The following MAGI1 variants were observed in gnomAD, a reference collection of about 807,000 sequenced individuals.
The protein encoded by MAGI1 is membrane-associated guanylate kinase, WW and PDZ domain-containing protein 1.
A neutral mutation model predicts 139.9 loss-of-function variants in MAGI1; 58 were observed. The observed-to-expected ratio is 0.41, with a 90% CI of 0.34 to 0.52. The LOEUF is 0.52. MAGI1 is among the 20% of genes least tolerant of loss of function. The pLI, the probability that MAGI1 is intolerant of heterozygous loss-of-function variation, is 0.12. For synonymous variants in MAGI1, 812 were observed against 737.9 expected (o/e 1.10, Z -1.63); for missense variants, 1,874 against 1,901.6 (o/e 0.99, Z 0.27).
chr3:65,516,979 C>A (rs570592080), intron 2 of MAGI1, among the ~76,000 whole-genome samples: 3 of 151,232 alleles, frequency 2.0e-5, no homozygotes, highest in Admixed American at 2.0e-4. Flanking sequence ...CCGCCCGCCT[C>A]GGCCTCCCAA....
At chr3:65,832,828 T>A (rs538183955) in intron 1 of MAGI1, among the ~76,000 whole-genome samples, 1 of 152,186 alleles carries the variant, frequency 6.6e-6, no homozygotes, top group Non-Finnish European at 1.5e-5. Context: ...CAAACCATTA[T>A]GGATACTATT....
intron 2 of MAGI1, among the ~76,000 whole-genome samples, chr3:65,609,543 T>A (rs2106917330): frequency 6.6e-6 from 1 of 152,170 alleles, no homozygotes; most frequent in South Asian, 2.1e-4. Context: ...CCTCCCAAAG[T>A]GCTAGGATTA....
intron 2 of MAGI1, among the ~76,000 whole-genome samples, chr3:65,577,387 C>G (rs2081222263): frequency 6.6e-6 from 1 of 152,116 alleles, no homozygotes; most frequent in Admixed American, 6.5e-5. Context: ...TGAGCCATAT[C>G]AAAGCCTGAG....
chr3:65,666,990 T>C (rs1416686603), intron 1 of MAGI1, among the ~76,000 whole-genome samples: 1 of 152,124 alleles, frequency 6.6e-6, no homozygotes, highest in Non-Finnish European at 1.5e-5. Flanking sequence ...ATTATCCCAC[T>C]GGGAAAGATG....
intron 5 of MAGI1, among the ~76,000 whole-genome samples, chr3:65,463,177 T>C (rs1949934743): frequency 6.6e-6 from 1 of 152,220 alleles, no homozygotes. Context: ...CCTTGTCTTG[T>C]GCCAGTTTCA....
At chr3:65,938,613 G>A (rs570709801) in intron 1 of MAGI1, among the ~76,000 whole-genome samples, 63 of 152,062 alleles carry the variant, frequency 4.1e-4, no homozygotes, top group African/African-American at 1.5e-3. Flanking sequence ...TTAAAGCCCA[G>A]AATAAAATAA....
chr3:65,855,365 G>C (rs1248064422), intron 1 of MAGI1, among the ~76,000 whole-genome samples: 1 of 151,552 alleles, frequency 6.6e-6, no homozygotes, highest in Non-Finnish European at 1.5e-5. Flanking sequence ...AATTGATTGA[G>C]GCCAGGAGTC....
chr3:65,416,735 C>T (rs1418565818), intron 12 of MAGI1, among the ~76,000 whole-genome samples: 1 of 152,138 alleles, frequency 6.6e-6, no homozygotes, highest in Non-Finnish European at 1.5e-5. Context: ...GCATTTTCCA[C>T]GTTGCCAGTG....
At chr3:65,795,355 T>A (rs942556141) in intron 1 of MAGI1, among the ~76,000 whole-genome samples, 3 of 152,166 alleles carry the variant, frequency 2.0e-5, no homozygotes, top group African/African-American at 7.2e-5. Flanking sequence ...ACTCAGCAAT[T>A]TTTAAAAATG....
intron 2 of MAGI1, among the ~76,000 whole-genome samples, chr3:65,545,347 A>G (rs1265366642): frequency 6.6e-6 from 1 of 152,212 alleles, no homozygotes; most frequent in Non-Finnish European, 1.5e-5. Flanking sequence ...TGTGGTGTAT[A>G]TATGATATTA....
chr3:65,643,209 C>A (rs2085073890), intron 1 of MAGI1, among the ~76,000 whole-genome samples: 1 of 152,128 alleles, frequency 6.6e-6, no homozygotes, highest in African/African-American at 2.4e-5. Context: ...CTTCTCAGTT[C>A]AGGGTCCCTT....
In MAGI1 at chr3:65,771,906, C is replaced by T. The variant is rs148860661; in HGVS notation, c.314-149818G>A. ...TGACTATTTTAAAAGAATACTGTGG[C>T]ATCTTTTATAACCTGGCCAGGCGCG... On this transcript the variant is annotated intron_variant, in intron 1 of 22. Transcript: ENST00000402939. Among the ~76,000 whole-genome samples, 792 of 152,246 alleles carry T rather than the reference C, an allele frequency of 5.2e-3. 6 individuals carry two copies. The highest frequency in any genetic ancestry group is 0.012 in the African/African-American group (508 of 41,532).
intron 1 of MAGI1, among the ~76,000 whole-genome samples, chr3:65,979,088 T>TCCCCCCCC (rs200894076): frequency 2.3e-3 from 123 of 52,946 alleles, no homozygotes; most frequent in African/African-American, 2.6e-3. Context: ...TTTCTTTTCT[T>TCCCCCCCC]CCCCCCCCCC....
intron 1 of MAGI1, among the ~76,000 whole-genome samples, chr3:65,745,780 A>T (rs1348506699): frequency 1.3e-5 from 2 of 152,072 alleles, no homozygotes. Context: ...CCCAGGCTGG[A>T]GTACAATGGC....
At chr3:65,987,447 T>G (rs956233665) in intron 1 of MAGI1, among the ~76,000 whole-genome samples, 2 of 152,172 alleles carry the variant, frequency 1.3e-5, no homozygotes, top group African/African-American at 4.8e-5. Flanking sequence ...TGTAGGTAAC[T>G]GCACATTAGA....
chr3:65,919,004 T>C (rs1023545002), intron 1 of MAGI1, among the ~76,000 whole-genome samples: 11 of 151,976 alleles, frequency 7.2e-5, no homozygotes, highest in African/African-American at 2.2e-4. Context: ...CCCAAATTAT[T>C]CTGGGAAACA....
intron 2 of MAGI1, among the ~76,000 whole-genome samples, chr3:65,497,966 G>C (rs925509889): frequency 3.3e-5 from 5 of 152,154 alleles, no homozygotes; most frequent in African/African-American, 1.2e-4. Flanking sequence ...GCTCAGGCTA[G>C]CAGGAGGTTT....
chr3:65,953,407 C>T (rs2063959997), intron 1 of MAGI1, among the ~76,000 whole-genome samples: 1 of 152,058 alleles, frequency 6.6e-6, no homozygotes, highest in East Asian at 1.9e-4. Flanking sequence ...GAATCTAGGC[C>T]CAGTGATAAG....
At chr3:65,450,373 G>GA (rs1408474995) in intron 6 of MAGI1, among the ~76,000 whole-genome samples, 2 of 152,096 alleles carry the variant, frequency 1.3e-5, no homozygotes, top group Admixed American at 6.6e-5. Flanking sequence ...AAGATGCGGT[G>GA]AAAAAAATAG....
Sources: gnomAD v4.1 joint callset for allele counts (sites outside exome capture counted in the v4.1 genomes callset) on GRCh38, gnomAD v4.1.1 for gene constraint, MANE v1.5 for transcripts, NCBI Gene and HGNC (gene_info 2026-07-23, HGNC 2026-07-21) for gene names.